DCC: variants seen among roughly 807,000 people sequenced by gnomAD.
DCC encodes the protein netrin receptor DCC.
A neutral mutation model predicts 172.5 loss-of-function variants in DCC; 58 were observed. The ratio of observed to expected loss-of-function variants is 0.34; its 90% CI spans 0.27 to 0.42. DCC has a LOEUF of 0.42. DCC is among the 10% of genes least tolerant of loss of function. The pLI, the probability that DCC is intolerant of heterozygous loss-of-function variation, is 1.00. For synonymous variants in DCC, 709 were observed against 644.5 expected, an observed-to-expected ratio of 1.10 and a Z score of -1.52; for missense variants, 1,740 against 1,791.0, an observed-to-expected ratio of 0.97 and a Z score of 0.51.
At chr18:53,326,563 T>C (rs1326788564) in intron 14 of DCC, among the ~76,000 whole-genome samples, 1 of 152,228 alleles carries the variant, frequency 6.6e-6, no homozygotes. Flanking sequence ...AGATCAATAG[T>C]GGTCACTGGT....
chr18:52,898,788 GCAAA>G (rs1241147770), intron 2 of DCC, among the ~76,000 whole-genome samples: 1 of 151,978 alleles, frequency 6.6e-6, no homozygotes, highest in Non-Finnish European at 1.5e-5. Flanking sequence ...CCTGGTGACA[GCAAA>G]TATTTGGGTT....
chr18:52,745,336 A>G (rs1269605460), intron 1 of DCC, among the ~76,000 whole-genome samples: 1 of 152,188 alleles, frequency 6.6e-6, no homozygotes, highest in Non-Finnish European at 1.5e-5. Context: ...CCTTGCTCCA[A>G]TCCAGGCCAC....
At chr18:53,159,116 C>G (rs1327123626) in intron 8 of DCC, among the ~76,000 whole-genome samples, 2 of 151,880 alleles carry the variant, frequency 1.3e-5, no homozygotes, top group South Asian at 4.1e-4. Flanking sequence ...TGTGATCTTA[C>G]GATGCCTCCT....
At chr18:53,502,818 C>A (rs2046120344) in intron 27 of DCC, among the ~76,000 whole-genome samples, 1 of 151,944 alleles carries the variant, frequency 6.6e-6, no homozygotes, top group South Asian at 2.1e-4. Flanking sequence ...TTTCCCCACT[C>A]AAATTCCTGT....
At chr18:52,890,285 A>G (rs2039629727) in intron 2 of DCC, among the ~76,000 whole-genome samples, 1 of 152,106 alleles carries the variant, frequency 6.6e-6, no homozygotes, top group Non-Finnish European at 1.5e-5. Flanking sequence ...GAAAGAGCAA[A>G]CTAATTGAAC....
chr18:52,541,883 A>ATATATATATG, intron 1 of DCC, among the ~76,000 whole-genome samples: 1 of 137,406 alleles, frequency 7.3e-6, no homozygotes, highest in Non-Finnish European at 1.5e-5. Context: ...GTGTATATAT[A>ATATATATATG]TATATATATA....
In DCC at chr18:52,459,937, C is replaced by T. The variant is rs1385238231; in HGVS notation, c.91+119059C>T. ...TACACACATATATATATACACACCA[C>T]ATTTTCTTTATCTAGTCTACCATTA... On this transcript the variant is annotated intron_variant, in intron 1 of 28. Coordinates refer to ENST00000442544, the MANE Select transcript of DCC (RefSeq NM_005215.4). Among the ~76,000 whole-genome samples the T allele has an allele frequency of 3.3e-5, 5 of 151,758 alleles. No homozygotes were observed. In the East Asian group the frequency reaches 5.8e-4, roughly 18 times the overall value.
chr18:52,874,132 C>T (rs953446431), intron 2 of DCC, among the ~76,000 whole-genome samples: 3 of 152,122 alleles, frequency 2.0e-5, no homozygotes, highest in South Asian at 2.1e-4. Context: ...GATTAAAACA[C>T]TTACCCTAAA....
chr18:52,648,970 C>A (rs373037676), intron 1 of DCC, among the ~76,000 whole-genome samples: 1 of 152,178 alleles, frequency 6.6e-6, no homozygotes, highest in Admixed American at 6.5e-5. Context: ...CATATGCAAT[C>A]CCCCTTCCCC....
In DCC at chr18:52,437,420, C is replaced by T. The variant is rs372642776; in HGVS notation, c.91+96542C>T. 2.4e-4 allele frequency among the ~76,000 whole-genome samples: 36 copies of T among 152,300 alleles called. 2 individuals carry two copies. The East Asian group carries it at 5.6e-3, about 24-fold the overall frequency. On this transcript the variant is annotated intron_variant, in intron 1 of 28. Transcript: ENST00000442544. The stretch of plus-strand genomic sequence containing the variant: ...GTGTTAAGGAGATAATTACTATGGC[C>T]TTTCCTCTGAACAGCAGCTGGAAAT...
chr18:53,030,159 G>C (rs1354799571), intron 5 of DCC, among the ~76,000 whole-genome samples: 1 of 152,168 alleles, frequency 6.6e-6, no homozygotes, highest in Non-Finnish European at 1.5e-5. Context: ...AATGGAGATG[G>C]TCTCCAGGAA....
chr18:52,926,808 TATGTGTGTGTATATATACATATACATAC>T (rs944765699), intron 5 of DCC, among the ~76,000 whole-genome samples: 73 of 140,462 alleles, frequency 5.2e-4, no homozygotes, highest in Non-Finnish European at 1.0e-3. Context: ...CACATATACA[TATGTGTGTGTATATATACATATACATAC>T]ACACACACAC....
Position 53,146,934 on chromosome 18 carries a change from A to AT in DCC, c.1262-10415dup, listed in dbSNP as rs978704222. On this transcript the variant is annotated intron_variant, in intron 7 of 28. Coordinates refer to ENST00000442544, the MANE Select transcript of DCC (RefSeq NM_005215.4). ...CTTTAGGTAAATAATACATTTAATG[A>AT]TTTTTTTAAATTAAAAAAGACTTTT... 4.1e-4 allele frequency among the ~76,000 whole-genome samples: 63 copies of AT among 152,302 alleles called. 1 individual carries two copies. The highest frequency in any genetic ancestry group is 1.3e-3 in the African/African-American group (55 of 41,570).
At chr18:52,954,790 C>T (rs2040715051) in intron 5 of DCC, among the ~76,000 whole-genome samples, 1 of 152,104 alleles carries the variant, frequency 6.6e-6, no homozygotes, top group South Asian at 2.1e-4. Flanking sequence ...GTGGTAAATT[C>T]ATTATAGAGA....
chr18:52,371,674 A>C (rs961011400), intron 1 of DCC, among the ~76,000 whole-genome samples: 2 of 152,124 alleles, frequency 1.3e-5, no homozygotes, highest in East Asian at 3.9e-4. Flanking sequence ...CAATGTATGG[A>C]GTTCGTTTGT....
chr18:52,810,937 T>C (rs1230658963), intron 2 of DCC, among the ~76,000 whole-genome samples: 1 of 152,140 alleles, frequency 6.6e-6, no homozygotes, highest in Non-Finnish European at 1.5e-5. Flanking sequence ...GGATGGCAGA[T>C]GGCACGTTGT....
rs556636927 is a variant in DCC, at chr18:53,398,499, G to A, written c.2827+1053G>A. On this transcript the variant is annotated intron_variant, in intron 18 of 28. Coordinates refer to ENST00000442544, the MANE Select transcript of DCC (RefSeq NM_005215.4). ...CTTCTTAGGGTTAATAAGACCAGCCGGATGAGATACATACTATTGGATAGA... is the reference window on the plus strand; with the variant it reads ...CTTCTTAGGGTTAATAAGACCAGCCAGATGAGATACATACTATTGGATAGA... Among the ~76,000 whole-genome samples, 17 of 152,098 alleles carry A rather than the reference G, an allele frequency of 1.1e-4. No homozygotes were observed. In the South Asian group the frequency reaches 2.9e-3, roughly 26 times the overall value.
chr18:53,478,498 T>G lies in DCC; in HGVS notation c.3737-8299T>G, dbSNP rs140742434. ...GATCATTTAAAGTATGAGAGGTTTT[T>G]GGGCAGTATCTTGAATTTTATATAT... On this transcript the variant is annotated intron_variant, in intron 25 of 28. Coordinates refer to ENST00000442544, the MANE Select transcript of DCC (RefSeq NM_005215.4). Among the ~76,000 whole-genome samples the G allele has an allele frequency of 1.5e-3, 232 of 152,250 alleles. 1 individual carries two copies. Among genetic ancestry groups the G allele is most frequent in the African/African-American group, 5.2e-3 (215 of 41,514 alleles).
chr18:52,449,566 G>T (rs371855239), intron 1 of DCC, among the ~76,000 whole-genome samples: 1 of 152,196 alleles, frequency 6.6e-6, no homozygotes, highest in Non-Finnish European at 1.5e-5. Context: ...ACAATGAAAC[G>T]ATGACACTTG....
Sources: gnomAD v4.1 joint callset for allele counts (sites outside exome capture counted in the v4.1 genomes callset) on GRCh38, gnomAD v4.1.1 for gene constraint, MANE v1.5 for transcripts, NCBI Gene and HGNC (gene_info 2026-07-23, HGNC 2026-07-21) for gene names.